The following UBE2E2 variants were observed in gnomAD, a reference collection of about 807,000 sequenced individuals.
UBE2E2 encodes ubiquitin-conjugating enzyme E2 E2.
A neutral mutation model predicts 24.7 loss-of-function variants in UBE2E2; 6 were observed. The ratio of observed to expected loss-of-function variants is 0.24; its 90% CI spans 0.13 to 0.48. The LOEUF (loss-of-function observed/expected upper bound fraction) is 0.48, where lower values mean the gene tolerates loss of function less well. UBE2E2 is among the 20% of genes least tolerant of loss of function. UBE2E2 has a pLI of 0.99. For missense variants in UBE2E2, 169 were observed against 245.0 expected (o/e 0.69, Z 2.07); for synonymous variants, 104 against 83.6 (o/e 1.24, Z -1.33).
intron 5 of UBE2E2, among the ~76,000 whole-genome samples, chr3:23,582,856 G>GT (rs1212118382): frequency 4.7e-5 from 4 of 85,062 alleles, no homozygotes; most frequent in South Asian, 4.4e-4. Flanking sequence ...TGTTTATTCT[G>GT]TTGAGTGTGT....
At chr3:23,303,007 A>G (rs1699142259) in intron 3 of UBE2E2, among the ~76,000 whole-genome samples, 1 of 152,152 alleles carries the variant, frequency 6.6e-6, no homozygotes, top group South Asian at 2.1e-4. Flanking sequence ...TGAGCCAGTG[A>G]AGCTTCATGT....
At chr3:23,542,379 T>TA in intron 5 of UBE2E2, among the ~76,000 whole-genome samples, 1 of 152,320 alleles carries the variant, frequency 6.6e-6, no homozygotes, top group South Asian at 2.1e-4. Flanking sequence ...TCCAATTTGG[T>TA]AAAAGTTTGT....
At chr3:23,221,945 A>C (rs962440671) in intron 3 of UBE2E2, among the ~76,000 whole-genome samples, 3 of 152,160 alleles carry the variant, frequency 2.0e-5, no homozygotes, top group African/African-American at 7.2e-5. Context: ...TACCATTTTT[A>C]GTGTAAAGTT....
At chr3:23,546,460 ATTTTT>A (rs899923576) in intron 5 of UBE2E2, among the ~76,000 whole-genome samples, 3 of 76,898 alleles carry the variant, frequency 3.9e-5, no homozygotes, top group East Asian at 4.6e-4. Context: ...GAACATTTAG[ATTTTT>A]TTTTTTTTTT....
intron 3 of UBE2E2, among the ~76,000 whole-genome samples, chr3:23,241,817 T>C (rs1000309400): frequency 3.3e-5 from 5 of 152,208 alleles, no homozygotes; most frequent in African/African-American, 4.8e-5. Flanking sequence ...TTGCACTTCA[T>C]TGATATTTAT....
At chr3:23,248,370 A>G (rs73149686) in intron 3 of UBE2E2, among the ~76,000 whole-genome samples, 6,648 of 152,330 alleles carry the variant, frequency 0.044, 497 homozygotes, top group African/African-American at 0.15. Context: ...TTAATTCTCT[A>G]CTATAATCCT....
chr3:23,588,151 A>G (rs1356329876), intron 5 of UBE2E2, among the ~76,000 whole-genome samples: 1 of 152,184 alleles, frequency 6.6e-6, no homozygotes, highest in African/African-American at 2.4e-5. Context: ...GTGTTGGGCC[A>G]CAGACGTAGT....
intron 3 of UBE2E2, among the ~76,000 whole-genome samples, chr3:23,236,792 C>G (rs1697125594): frequency 6.6e-6 from 1 of 152,118 alleles, no homozygotes; most frequent in Non-Finnish European, 1.5e-5. Context: ...GTGTGGACCG[C>G]CTGTCTCTCT....
intron 3 of UBE2E2, among the ~76,000 whole-genome samples, chr3:23,222,469 G>A (rs530458736): frequency 5.3e-5 from 8 of 152,146 alleles, no homozygotes; most frequent in South Asian, 4.1e-4. Context: ...AATCATGGGG[G>A]TGGTATCCCC....
chr3:23,524,355 A>T (rs1318591251), intron 4 of UBE2E2, among the ~76,000 whole-genome samples: 1 of 152,118 alleles, frequency 6.6e-6, no homozygotes, highest in Non-Finnish European at 1.5e-5. Flanking sequence ...TAACTAGGGG[A>T]TGTAAGAGAA....
At chr3:23,265,163 T>C (rs1044679464) in intron 3 of UBE2E2, among the ~76,000 whole-genome samples, 1 of 152,182 alleles carries the variant, frequency 6.6e-6, no homozygotes. Flanking sequence ...ACTGATTATA[T>C]GCTATGAAGA....
At chr3:23,369,862 A>G (rs900004564) in intron 3 of UBE2E2, among the ~76,000 whole-genome samples, 2 of 152,150 alleles carry the variant, frequency 1.3e-5, no homozygotes, top group East Asian at 3.8e-4. Context: ...TTTTGTTTTT[A>G]TTTATATGTA....
At position 23,558,191 on chromosome 3, in the gene UBE2E2, A is replaced by T. The variant is rs150043111; in HGVS notation, c.508+25490A>T. ...AACCCAGTTGTCTAAATATTTCACC[A>T]TGACTTCAAACTAGTCTCAAACTTA... On this transcript the variant is annotated intron_variant, in intron 5 of 5. Coordinates refer to ENST00000396703, the MANE Select transcript of UBE2E2 (RefSeq NM_152653.4). Among the ~76,000 whole-genome samples the T allele has an allele frequency of 6.4e-3, 982 of 152,294 alleles. 17 individuals carry two copies. Among genetic ancestry groups the T allele is most frequent in the African/African-American group, 0.023 (946 of 41,570 alleles).
At chr3:23,533,863 C>T (rs370629754) in intron 5 of UBE2E2, among the ~76,000 whole-genome samples, 1 of 152,018 alleles carries the variant, frequency 6.6e-6, no homozygotes, top group South Asian at 2.1e-4. Flanking sequence ...CCTTGTGATC[C>T]GCCCGCTTTG....
At chr3:23,385,755 A>G (rs377668679) in intron 3 of UBE2E2, among the ~76,000 whole-genome samples, 1 of 152,228 alleles carries the variant, frequency 6.6e-6, no homozygotes, top group Non-Finnish European at 1.5e-5. Context: ...TAGAAAAACC[A>G]TCAGCTTCTT....
intron 3 of UBE2E2, among the ~76,000 whole-genome samples, chr3:23,426,499 C>T (rs1039891294): frequency 7.9e-5 from 12 of 151,690 alleles, no homozygotes; most frequent in African/African-American, 2.9e-4. Flanking sequence ...GGAATGAAGC[C>T]TGATGGGGTG....
chr3:23,211,944 T>G (rs911541568), intron 2 of UBE2E2, among the ~76,000 whole-genome samples: 1 of 152,200 alleles, frequency 6.6e-6, no homozygotes, highest in African/African-American at 2.4e-5. Context: ...TATGTTAACC[T>G]TGGAGGCCTT....
chr3:23,338,662 G>A (rs1695283393), intron 3 of UBE2E2, among the ~76,000 whole-genome samples: 1 of 152,086 alleles, frequency 6.6e-6, no homozygotes, highest in Admixed American at 6.6e-5. Flanking sequence ...AAAATGATGG[G>A]AGCATGTCAA....
At chr3:23,308,150 C>T (rs1180077330) in intron 3 of UBE2E2, among the ~76,000 whole-genome samples, 2 of 152,142 alleles carry the variant, frequency 1.3e-5, no homozygotes, top group African/African-American at 4.8e-5. Context: ...TACCTTTTAA[C>T]CATGTCTAAG....
Sources: allele counts gnomAD v4.1 joint callset (sites outside exome capture counted in the v4.1 genomes callset), GRCh38; gene constraint gnomAD v4.1.1; transcripts MANE v1.5; gene names NCBI Gene and HGNC (gene_info 2026-07-23, HGNC 2026-07-21).